The following PEAK1 variants were observed in gnomAD, a reference collection of about 807,000 sequenced individuals.
The protein encoded by PEAK1 is inactive tyrosine-protein kinase PEAK1.
In PEAK1, 54 loss-of-function variants were observed where a neutral mutation model predicts 124.7. That is an observed-to-expected ratio of 0.43 (90% CI 0.35 to 0.54). The LOEUF is 0.54. Among genes scored for constraint, PEAK1 ranks in the 20% least tolerant of loss-of-function variants. The pLI is 0.01. For synonymous variants in PEAK1, 719 were observed against 760.0 expected, an observed-to-expected ratio of 0.95 and a Z score of 0.89; for missense variants, 2,046 against 2,134.5, an observed-to-expected ratio of 0.96 and a Z score of 0.82.
At position 77,194,007 on chromosome 15, in the gene PEAK1, A is replaced by G. The variant is rs115045636; in HGVS notation, c.-114-11967T>C. On this transcript the variant is annotated intron_variant, in intron 6 of 9. Transcript: ENST00000682557. ...TTGCTCCTGTCGTCTGAAGCTCCAG[A>G]CTTCGGCTGCCTACTAGACCTTTCC... is the stretch of plus-strand genomic sequence containing the variant. Among the ~76,000 whole-genome samples, 621 of 152,256 alleles carry G rather than the reference A, an allele frequency of 4.1e-3. 6 individuals are homozygous for G. Among genetic ancestry groups the G allele is most frequent in the African/African-American group, 0.014 (591 of 41,542 alleles).
chr15:77,418,454 A>G, intron 1 of PEAK1: 3 of 985,348 alleles, frequency 3.0e-6, no homozygotes, highest in East Asian at 1.1e-4. Flanking sequence ...GTTTTTTCAC[A>G]TAGTTTGTGA....
chr15:77,176,277 G>GAAAAAAAAAAAAAAAAAAGAAAA (rs71211213), intron 7 of PEAK1, among the ~76,000 whole-genome samples: 1 of 103,326 alleles, frequency 9.7e-6, no homozygotes, highest in East Asian at 2.7e-4. Context: ...AAAAAGAAAA[G>GAAAAAAAAAAAAAAAAAAGAAAA]AAAAAAAAAA....
intron 2 of PEAK1, among the ~76,000 whole-genome samples, chr15:77,294,488 C>T (rs1597151635): frequency 6.6e-6 from 1 of 152,070 alleles, no homozygotes; most frequent in Non-Finnish European, 1.5e-5. Context: ...TTTGTCTAGG[C>T]AAAACATTCA....
chr15:77,363,022 A>C (rs915433427), intron 2 of PEAK1, among the ~76,000 whole-genome samples: 2 of 151,798 alleles, frequency 1.3e-5, no homozygotes, highest in South Asian at 4.2e-4. Context: ...CACCCAGCTA[A>C]ATTTTGTAGT....
chr15:77,168,565 G>T (rs1260183109), intron 7 of PEAK1, among the ~76,000 whole-genome samples: 1 of 152,218 alleles, frequency 6.6e-6, no homozygotes, highest in Non-Finnish European at 1.5e-5. Context: ...AGGTAAACAA[G>T]TTGGATCTGG....
rs929490521 is a variant in PEAK1 at position 77,402,267 on chromosome 15, G to A, written c.-666+17739C>T. 4 of 984,592 alleles carry A rather than the reference G, an allele frequency of 4.1e-6. No homozygotes were observed. In the South Asian group the frequency reaches 1.4e-4, roughly 35 times the overall value. 61.0% of individuals were successfully genotyped at this position (984,592 alleles called of 1,614,324 possible). Reference sequence around the variant, plus strand: ...AGAATGGAACAGAAACAAGCAGAAGGTTTTCAGTAATAGAATTGCTTTAAA... The same window carrying A: ...AGAATGGAACAGAAACAAGCAGAAGATTTTCAGTAATAGAATTGCTTTAAA... On this transcript the variant is annotated intron_variant, in intron 1 of 9. Transcript: ENST00000682557.
chr15:77,336,438 C>CT, intron 2 of PEAK1: 3 of 985,380 alleles, frequency 3.0e-6, no homozygotes, highest in Non-Finnish European at 3.6e-6. Flanking sequence ...TGGTAACCTA[C>CT]TTTGGTTTTA....
intron 6 of PEAK1, among the ~76,000 whole-genome samples, chr15:77,212,623 C>G (rs1057491953): frequency 5.9e-5 from 9 of 152,146 alleles, no homozygotes; most frequent in Non-Finnish European, 1.0e-4. Flanking sequence ...AATTTTCTTT[C>G]TAAAGTTTGC....
chr15:77,222,457 C>A (rs569060612), intron 6 of PEAK1, among the ~76,000 whole-genome samples: 2 of 152,086 alleles, frequency 1.3e-5, no homozygotes, highest in South Asian at 4.2e-4. Flanking sequence ...TCCCAATGAT[C>A]TTATGCATTT....
At chr15:77,225,659 GTA>G (rs1555448885) in intron 6 of PEAK1, among the ~76,000 whole-genome samples, 1 of 60,080 alleles carries the variant, frequency 1.7e-5, no homozygotes, top group Non-Finnish European at 3.9e-5. Flanking sequence ...GTGTGTGTGT[GTA>G]TAATTTATAT....
intron 1 of PEAK1, among the ~76,000 whole-genome samples, chr15:77,390,650 T>C (rs371647997): frequency 1.3e-5 from 2 of 152,242 alleles, no homozygotes; most frequent in Admixed American, 6.5e-5. Context: ...TTACTGAACA[T>C]TGGTACTATG....
intron 5 of PEAK1, among the ~76,000 whole-genome samples, chr15:77,266,725 T>A (rs1279961655): frequency 1.3e-5 from 2 of 152,142 alleles, no homozygotes; most frequent in African/African-American, 4.8e-5. Context: ...AGGACTAACT[T>A]CAGCTCCCAG....
At chr15:77,119,235 CCG>C (rs1461653132) in intron 9 of PEAK1, among the ~76,000 whole-genome samples, 2 of 152,192 alleles carry the variant, frequency 1.3e-5, no homozygotes, top group African/African-American at 4.8e-5. Flanking sequence ...CAGGAAATGC[CCG>C]CTTGAGCTAT....
chr15:77,186,664 G>A (rs143670670), intron 6 of PEAK1, among the ~76,000 whole-genome samples: 1 of 151,690 alleles, frequency 6.6e-6, no homozygotes, highest in East Asian at 1.9e-4. Flanking sequence ...CATGAACCAG[G>A]CAAACACCTT....
chr15:77,263,905 T>C (rs937403852), intron 5 of PEAK1, among the ~76,000 whole-genome samples: 1 of 152,088 alleles, frequency 6.6e-6, no homozygotes, highest in Non-Finnish European at 1.5e-5. Flanking sequence ...AAAGCTTATC[T>C]ACCATGATCA....
At chr15:77,250,257 A>ATATATATATT (rs1372164177) in intron 6 of PEAK1, among the ~76,000 whole-genome samples, 2 of 126,220 alleles carry the variant, frequency 1.6e-5, no homozygotes, top group South Asian at 4.6e-4. Flanking sequence ...ATATATATAT[A>ATATATATATT]TTTTTTTTTG....
rs574682103 is a variant in PEAK1, at chr15:77,409,595, A to G, written c.-666+10411T>C. Among the ~76,000 whole-genome samples the G allele has an allele frequency of 1.4e-4, 21 of 152,360 alleles. No individual in the cohort carries two copies. In the South Asian group the frequency reaches 3.9e-3, roughly 29 times the overall value. On this transcript the variant is annotated intron_variant, in intron 1 of 9. Coordinates refer to ENST00000682557, the MANE Select transcript of PEAK1 (RefSeq NM_001385026.1). ...TCAACAAATAAAAGAAAAAATGGAG[A>G]TGGCAAAAAGCAGAAAACCCATTAC...
chr15:77,122,649 A>G (rs1224981193), intron 9 of PEAK1, among the ~76,000 whole-genome samples: 1 of 152,200 alleles, frequency 6.6e-6, no homozygotes, highest in East Asian at 1.9e-4. Context: ...TTCCTAAATC[A>G]ATTCCCAGTT....
At chr15:77,103,547 T>C (rs966100787), downstream of PEAK1, 1 of 152,238 alleles carries the variant, frequency 6.6e-6, no homozygotes, top group Non-Finnish European at 1.5e-5. Flanking sequence ...TGTATATATT[T>C]GCTCAAGCAT....
Sources: allele counts gnomAD v4.1 joint callset (sites outside exome capture counted in the v4.1 genomes callset), GRCh38; gene constraint gnomAD v4.1.1; transcripts MANE v1.5; gene names NCBI Gene and HGNC (gene_info 2026-07-23, HGNC 2026-07-21).